The following SRBD1 variants were observed in gnomAD, a reference collection of about 807,000 sequenced individuals.
The protein encoded by SRBD1 is S1 RNA-binding domain-containing protein 1.
SRBD1 carries 88 observed loss-of-function variants against 115.3 expected under a neutral mutation model. The ratio of observed to expected loss-of-function variants is 0.76; its 90% CI spans 0.64 to 0.91. The LOEUF (loss-of-function observed/expected upper bound fraction) is 0.91, where lower values mean the gene tolerates loss of function less well. SRBD1 is among the 40% of genes least tolerant of loss of function. The pLI is 0.00. For missense variants in SRBD1, 1,385 were observed against 1,177.4 expected (o/e 1.18, Z -2.58); for synonymous variants, 509 against 407.7 (o/e 1.25, Z -2.99).
chr2:45,478,872 C>T (rs1024655295), intron 15 of SRBD1, among the ~76,000 whole-genome samples: 1 of 152,168 alleles, frequency 6.6e-6, no homozygotes, highest in Non-Finnish European at 1.5e-5. Flanking sequence ...TTCTCAGACA[C>T]CACATTTCTT....
chr2:45,511,063 T>G (rs1005222799), intron 14 of SRBD1, among the ~76,000 whole-genome samples: 1 of 152,226 alleles, frequency 6.6e-6, no homozygotes, highest in Admixed American at 6.5e-5. Context: ...AACGAAATCC[T>G]TGCTCCCTCT....
At chr2:45,535,441 T>C (rs1056996697) in intron 14 of SRBD1, among the ~76,000 whole-genome samples, 1 of 152,024 alleles carries the variant, frequency 6.6e-6, no homozygotes, top group African/African-American at 2.4e-5. Context: ...TCCTTTATAA[T>C]TTAATAATAA....
At chr2:45,541,546 A>G (rs373109836) in intron 14 of SRBD1, among the ~76,000 whole-genome samples, 2 of 152,266 alleles carry the variant, frequency 1.3e-5, no homozygotes, top group Admixed American at 6.5e-5. Flanking sequence ...ACTGAGTGAC[A>G]GAACAGCTCT....
At chr2:45,427,747 A>G (rs1304807119) in intron 16 of SRBD1, among the ~76,000 whole-genome samples, 2 of 152,208 alleles carry the variant, frequency 1.3e-5, no homozygotes, top group African/African-American at 4.8e-5. Context: ...CCAGCAGTAC[A>G]TCAAAAAGAT....
At chr2:45,580,639 G>A (rs150725696) in intron 6 of SRBD1, among the ~76,000 whole-genome samples, 6,058 of 122,870 alleles carry the variant, frequency 0.049, 412 homozygotes, top group African/African-American at 0.17. Flanking sequence ...GATTACAGGC[G>A]TGAGCCACCG....
chr2:45,440,289 G>A (rs552241324), intron 16 of SRBD1, among the ~76,000 whole-genome samples: 3 of 152,252 alleles, frequency 2.0e-5, no homozygotes, highest in South Asian at 4.1e-4. Flanking sequence ...AAATTTTAAT[G>A]CAGACAAACT....
At chr2:45,414,872 A>ACAC (rs780119573) in intron 18 of SRBD1, among the ~76,000 whole-genome samples, 4 of 46,326 alleles carry the variant, frequency 8.6e-5, no homozygotes, top group African/African-American at 3.1e-4. Flanking sequence ...ATGTACACAC[A>ACAC]ATATAGTGTG....
chr2:45,407,177 G>A (rs1667461360), intron 19 of SRBD1, among the ~76,000 whole-genome samples: 1 of 152,152 alleles, frequency 6.6e-6, no homozygotes, highest in Admixed American at 6.5e-5. Flanking sequence ...ACCTCACAGG[G>A]TTGCTGTGTG....
chr2:45,569,693 C>T (rs565459523), intron 9 of SRBD1, among the ~76,000 whole-genome samples: 7 of 152,198 alleles, frequency 4.6e-5, no homozygotes, highest in Non-Finnish European at 1.0e-4. Flanking sequence ...TCTCAAAAAA[C>T]TATAAAACCA....
chr2:45,514,421 AT>A (rs1671061049), intron 14 of SRBD1, among the ~76,000 whole-genome samples: 1 of 152,122 alleles, frequency 6.6e-6, no homozygotes, highest in South Asian at 2.1e-4. Flanking sequence ...CTCAAAAAAA[AT>A]ATGAAAAATA....
At chr2:45,417,496 G>T (rs1363149826) in intron 18 of SRBD1, among the ~76,000 whole-genome samples, 2 of 152,134 alleles carry the variant, frequency 1.3e-5, no homozygotes, top group Non-Finnish European at 2.9e-5. Context: ...ATGTATTCTA[G>T]TGAGGCTTAA....
At chr2:45,535,800 A>G (rs1315466509) in intron 14 of SRBD1, among the ~76,000 whole-genome samples, 1 of 152,108 alleles carries the variant, frequency 6.6e-6, no homozygotes, top group African/African-American at 2.4e-5. Flanking sequence ...TAGGATTATG[A>G]TATTATCTAG....
chr2:45,470,084 T>G (rs767371080), intron 16 of SRBD1, among the ~76,000 whole-genome samples: 14 of 152,226 alleles, frequency 9.2e-5, no homozygotes, highest in Non-Finnish European at 1.8e-4. Flanking sequence ...TATCCCACTT[T>G]ACTATGATAA....
intron 16 of SRBD1, among the ~76,000 whole-genome samples, chr2:45,440,924 A>T (rs1668651820): frequency 6.6e-6 from 1 of 152,184 alleles, no homozygotes; most frequent in Non-Finnish European, 1.5e-5. Context: ...AGGTTGGAGA[A>T]AAAAAGAGTA....
chr2:45,526,364 A>G (rs1325638690), intron 14 of SRBD1, among the ~76,000 whole-genome samples: 3 of 152,022 alleles, frequency 2.0e-5, no homozygotes, highest in Non-Finnish European at 2.9e-5. Flanking sequence ...ACCACATAAT[A>G]TGACTCCATT....
chr2:45,478,161 A>G (rs954528757), intron 15 of SRBD1, among the ~76,000 whole-genome samples: 1 of 152,172 alleles, frequency 6.6e-6, no homozygotes, highest in African/African-American at 2.4e-5. Context: ...ATGGAAGCTA[A>G]TCAGTGTCAC....
intron 16 of SRBD1, among the ~76,000 whole-genome samples, chr2:45,426,690 T>C (rs1668165426): frequency 6.6e-6 from 1 of 152,150 alleles, no homozygotes; most frequent in Non-Finnish European, 1.5e-5. Flanking sequence ...CAGCCTCCAC[T>C]GGTGATACCC....
intron 16 of SRBD1, among the ~76,000 whole-genome samples, chr2:45,453,946 T>G (rs1669074820): frequency 1.3e-5 from 2 of 152,006 alleles, no homozygotes. Flanking sequence ...AATCTCCAGT[T>G]CATTTTAAAC....
chr2:45,495,460 C>T (rs1262875880), intron 14 of SRBD1, among the ~76,000 whole-genome samples: 3 of 152,218 alleles, frequency 2.0e-5, no homozygotes, highest in Non-Finnish European at 4.4e-5. Context: ...TTACCTTCCA[C>T]AGTAAGCATC....
Sources: gnomAD v4.1 joint callset for allele counts (sites outside exome capture counted in the v4.1 genomes callset) on GRCh38, gnomAD v4.1.1 for gene constraint, MANE v1.5 for transcripts, NCBI Gene and HGNC (gene_info 2026-07-23, HGNC 2026-07-21) for gene names.